The following SPATA6 variants were observed in gnomAD, a reference collection of about 807,000 sequenced individuals.
SPATA6 encodes the protein spermatogenesis-associated protein 6.
In SPATA6, 56 loss-of-function variants were observed where a neutral mutation model predicts 65.3. The ratio of observed to expected loss-of-function variants is 0.86; its 90% confidence interval spans 0.69 to 1.07. SPATA6 has a LOEUF of 1.07. SPATA6 is among the 50% of genes least tolerant of loss of function. The pLI, the probability that SPATA6 is intolerant of heterozygous loss-of-function variation, is 0.00. For synonymous variants in SPATA6, 199 were observed against 213.2 expected (o/e 0.93, Z 0.58); for missense variants, 590 against 594.8 (o/e 0.99, Z 0.08).
At chr1:48,399,261 A>T in intron 7 of SPATA6, 90 bp downstream of exon 7, 3 of 1,378,028 alleles carry the variant, frequency 2.2e-6, no homozygotes, top group Non-Finnish European at 3.0e-6. Flanking sequence ...TATTAATATA[A>T]GCTAGAAGTT....
At chr1:48,423,966 T>C (rs559637447) in intron 3 of SPATA6, among the ~76,000 whole-genome samples, 20 of 152,168 alleles carry the variant, frequency 1.3e-4, no homozygotes, top group Admixed American at 6.5e-5. Context: ...GAATGGGGTA[T>C]CCATCTCCTC....
chr1:48,317,955 C>T (rs1329378483), intron 11 of SPATA6, among the ~76,000 whole-genome samples: 1 of 152,118 alleles, frequency 6.6e-6, no homozygotes, highest in Non-Finnish European at 1.5e-5. Context: ...AAGAATTATA[C>T]ACCACAACCA....
At chr1:48,315,386 A>G (rs964081629) in intron 11 of SPATA6, among the ~76,000 whole-genome samples, 1 of 152,212 alleles carries the variant, frequency 6.6e-6, no homozygotes, top group Non-Finnish European at 1.5e-5. Flanking sequence ...CTGGTTCAAC[A>G]TACACAAATC....
chr1:48,384,286 G>C (rs895391435), intron 9 of SPATA6, among the ~76,000 whole-genome samples: 3 of 134,730 alleles, frequency 2.2e-5, no homozygotes, highest in African/African-American at 5.7e-5. Flanking sequence ...GATGGCAGCA[G>C]TACCGTCCAG....
chr1:48,326,526 A>C (rs1645766411), intron 11 of SPATA6, among the ~76,000 whole-genome samples: 1 of 151,742 alleles, frequency 6.6e-6, no homozygotes, highest in African/African-American at 2.4e-5. Flanking sequence ...TGAAACAAAA[A>C]AAAAAAAAAA....
intron 11 of SPATA6, among the ~76,000 whole-genome samples, chr1:48,330,125 C>T (rs1645873419): frequency 6.6e-6 from 1 of 152,218 alleles, no homozygotes; most frequent in Non-Finnish European, 1.5e-5. Context: ...AGCCCAGCAG[C>T]CGTACTTTGG....
intron 11 of SPATA6, among the ~76,000 whole-genome samples, chr1:48,314,285 T>C (rs1645330294): frequency 6.6e-6 from 1 of 152,156 alleles, no homozygotes; most frequent in African/African-American, 2.4e-5. Context: ...GACCACATAG[T>C]TGGAAGTAAA....
intron 5 of SPATA6, among the ~76,000 whole-genome samples, chr1:48,407,775 G>A (rs757243575): frequency 3.3e-5 from 5 of 152,112 alleles, no homozygotes; most frequent in African/African-American, 7.2e-5. Flanking sequence ...ACTGCCATTC[G>A]TAGAAGTCCT....
intron 3 of SPATA6, among the ~76,000 whole-genome samples, chr1:48,413,881 A>C (rs907079743): frequency 1.3e-5 from 2 of 152,226 alleles, no homozygotes; most frequent in African/African-American, 4.8e-5. Context: ...AGAAAATGTT[A>C]TTAAGAAAAT....
chr1:48,442,849 C>T (rs551705297), intron 3 of SPATA6, among the ~76,000 whole-genome samples: 2 of 151,608 alleles, frequency 1.3e-5, no homozygotes, highest in African/African-American at 4.8e-5. Context: ...ACCTTGTTGT[C>T]AGTGTAAACA....
intron 4 of SPATA6, 36 bp downstream of exon 4, chr1:48,413,074 A>G (rs765254492): frequency 1.4e-5 from 10 of 694,162 alleles, no homozygotes; most frequent in Non-Finnish European, 2.1e-5. Flanking sequence ...AATTTATGAT[A>G]TCTTATATTG....
intron 3 of SPATA6, among the ~76,000 whole-genome samples, chr1:48,430,219 T>A (rs1654269101): frequency 6.6e-6 from 1 of 152,082 alleles, no homozygotes; most frequent in East Asian, 1.9e-4. Flanking sequence ...AAAGTGAGAA[T>A]CTTGAAAATA....
chr1:48,382,360 C>T (rs1648755382), intron 9 of SPATA6, among the ~76,000 whole-genome samples: 2 of 99,076 alleles, frequency 2.0e-5, no homozygotes, highest in Admixed American at 9.0e-5. Context: ...CCCTCCCGGA[C>T]GGGGCGGCTG....
intron 11 of SPATA6, among the ~76,000 whole-genome samples, chr1:48,315,764 C>T (rs954959482): frequency 6.6e-6 from 1 of 152,098 alleles, no homozygotes; most frequent in African/African-American, 2.4e-5. Context: ...CTGTTTGCAG[C>T]TGACATGATT....
chr1:48,289,784 G>A, the SPATA6 span, among the ~76,000 whole-genome samples: 2 of 152,186 alleles, frequency 1.3e-5, no homozygotes, highest in African/African-American at 4.8e-5. Flanking sequence ...AATGAAGTGA[G>A]AAGAGAAGTT....
chr1:48,373,747 A>G (rs1419918246), intron 9 of SPATA6, among the ~76,000 whole-genome samples: 5 of 152,228 alleles, frequency 3.3e-5, no homozygotes, highest in African/African-American at 1.2e-4. Context: ...CGGCAGCAAG[A>G]GAGAATGAGG....
chr1:48,334,831 A>T (rs1557578576), intron 11 of SPATA6, among the ~76,000 whole-genome samples: 1 of 152,172 alleles, frequency 6.6e-6, no homozygotes, highest in Non-Finnish European at 1.5e-5. Flanking sequence ...ATAAGAAAAG[A>T]AGTAGTAAAA....
At chr1:48,284,150 T>C in the SPATA6 span, among the ~76,000 whole-genome samples, 1 of 152,308 alleles carries the variant, frequency 6.6e-6, no homozygotes, top group Non-Finnish European at 1.5e-5. Flanking sequence ...TTTTCTCTAA[T>C]CTTATCTTCA....
chr1:48,344,861 G>A lies in SPATA6; in HGVS notation c.1194+10809C>T, dbSNP rs371982281. On this transcript the variant is annotated intron_variant, in intron 11 of 12. Transcript: ENST00000371847. ...ACATATGCACCCAACACAGGAGCAC[G>A]CAGATTTATAAAGCAAGTTCTTAGA... 1.5e-4 allele frequency among the ~76,000 whole-genome samples: 23 copies of A among 151,978 alleles called. 1 individual carries two copies. The highest frequency in any genetic ancestry group is 5.3e-4 in the African/African-American group (22 of 41,414).
Sources: allele counts gnomAD v4.1 joint callset (sites outside exome capture counted in the v4.1 genomes callset), GRCh38; gene constraint gnomAD v4.1.1; transcripts MANE v1.5; gene names NCBI Gene and HGNC (gene_info 2026-07-23, HGNC 2026-07-21).